UBAC1: variants seen among roughly 807,000 people sequenced by gnomAD.
UBAC1 encodes ubiquitin-associated domain-containing protein 1.
A neutral mutation model predicts 45.9 loss-of-function variants in UBAC1; 27 were observed. The ratio of observed to expected loss-of-function variants is 0.59; its 90% CI spans 0.43 to 0.81. The LOEUF is 0.81. Ranked by LOEUF, UBAC1 falls within the 30% of genes least tolerant of loss-of-function variation. The pLI is 0.00. For synonymous variants in UBAC1, 227 were observed against 215.5 expected (o/e 1.05, Z -0.47); for missense variants, 529 against 539.2 (o/e 0.98, Z 0.19).
At chr9:135,935,951 G>A (rs144137856) in intron 9 of UBAC1, among the ~76,000 whole-genome samples, 2,762 of 150,938 alleles carry the variant, frequency 0.018, 40 homozygotes, top group Non-Finnish European at 0.023. Context: ...GCGTGAACCC[G>A]GTAGGCGGAG....
At chr9:135,956,511 G>A (rs151001239) in intron 1 of UBAC1, among the ~76,000 whole-genome samples, 4 of 152,220 alleles carry the variant, frequency 2.6e-5, no homozygotes, top group Non-Finnish European at 4.4e-5. Context: ...CTGCATGTTC[G>A]TGCCCAAGTC....
intron 3 of UBAC1, among the ~76,000 whole-genome samples, chr9:135,950,477 A>T (rs550455047): frequency 6.6e-6 from 1 of 152,334 alleles, no homozygotes; most frequent in East Asian, 1.9e-4. Context: ...AGCATGAAAA[A>T]ATCAGCGATA....
In UBAC1 at chr9:135,957,633, GA is replaced by G. The variant is rs537800814; in HGVS notation, c.139-2219del. Among the ~76,000 whole-genome samples, 575 of 151,996 alleles carry G rather than the reference GA, an allele frequency of 3.8e-3. 4 individuals carry two copies. Among genetic ancestry groups the G allele is most frequent in the African/African-American group, 0.013 (549 of 41,434 alleles). ...CACTCCATCCTGCTCCTCCCCAGAA[GA>G]GTAGTGACTTCGTTTCTGCTTGTAC... On this transcript the variant is annotated intron_variant, in intron 1 of 9. Transcript: ENST00000371756.
intron 3 of UBAC1, among the ~76,000 whole-genome samples, chr9:135,948,392 G>C (rs1240913851): frequency 6.6e-6 from 1 of 152,272 alleles, no homozygotes; most frequent in Non-Finnish European, 1.5e-5. Flanking sequence ...GGCAGAGGAC[G>C]AGGATGGAGG....
chr9:135,946,197 C>G (rs373267083), intron 5 of UBAC1, 72 bp downstream of exon 5: 1 of 1,173,202 alleles, frequency 8.5e-7, no homozygotes, highest in African/African-American at 1.5e-5. Flanking sequence ...GTGGTCAGTG[C>G]GTGGAGCTGC....
intron 7 of UBAC1, among the ~76,000 whole-genome samples, chr9:135,942,011 T>C (rs1839275298): frequency 1.3e-5 from 2 of 152,188 alleles, no homozygotes; most frequent in South Asian, 4.1e-4. Context: ...AAGAAGACAT[T>C]CTACGGAATG....
At chr9:135,955,486 C>A (rs1480438217) in intron 1 of UBAC1, 71 bp from the exon 2 acceptor site, 8 of 1,390,180 alleles carry the variant, frequency 5.8e-6, no homozygotes, top group East Asian at 2.6e-5. Context: ...GACCTGGCAT[C>A]CCAAGCTACA....
chr9:135,933,462 G>C lies in UBAC1; in HGVS notation c.1156C>G (p.Pro386Ala), dbSNP rs765952805. The C allele has an allele frequency of 1.9e-6, 3 of 1,613,992 alleles. No individual in the cohort carries two copies. Among genetic ancestry groups the C allele is most frequent in the Non-Finnish European group, 2.5e-6 (3 of 1,180,032 alleles). ...PLNSTQWMNDPETGPVMLQIS... is the reference protein window; with the variant it reads ...PLNSTQWMNDAETGPVMLQIS... Reference sequence around the variant, plus strand: ...TGCAGCATGACAGGCCCCGTTTCTGGATCATTCATCCACTGGGTGCTGTTC... The same window carrying C: ...TGCAGCATGACAGGCCCCGTTTCTGCATCATTCATCCACTGGGTGCTGTTC... The change falls in exon 10 of 10, where the codon CCA becomes GCA. Residue 386 changes from proline to alanine, a missense_variant. Coordinates refer to ENST00000371756, the MANE Select transcript of UBAC1 (RefSeq NM_016172.3).
rs2131086424 is a variant in UBAC1 at position 135,945,169 on chromosome 9, A to G, written c.735T>C (p.Ala245=). 6.2e-7 allele frequency: 1 copy of G among 1,612,882 alleles called. No homozygotes were observed. Among genetic ancestry groups the G allele is most frequent in the Non-Finnish European group, 8.5e-7 (1 of 1,179,664 alleles). The change falls in exon 7 of 10, where the codon GCT becomes GCC. Residue 245 remains alanine, a synonymous_variant. Transcript: ENST00000371756. ...CTGTGGCCCCCTCGGCCTCTGGGGG[A>G]GCTTGGCCAGGAAGAGGCGTGTCTA... ...PTIDTPLPGQ[A]PPEAEGATAA...
Position 135,948,397 on chromosome 9 carries a change from T to C in UBAC1, c.334-492A>G, listed in dbSNP as rs1336045706. 2.0e-5 allele frequency among the ~76,000 whole-genome samples: 3 copies of C among 152,128 alleles called. No individual in the cohort carries two copies. In the South Asian group the frequency reaches 6.2e-4, roughly 32 times the overall value. Reference sequence around the variant, plus strand: ...CTCAGAAGACGGCAGAGGACGAGGATGGAGGGATCAGCGGAGCTACAAAGG... The same window carrying C: ...CTCAGAAGACGGCAGAGGACGAGGACGGAGGGATCAGCGGAGCTACAAAGG... On this transcript the variant is annotated intron_variant, in intron 3 of 9. Transcript: ENST00000371756.
chr9:135,953,509 G>A (rs780053889), intron 3 of UBAC1, among the ~76,000 whole-genome samples, 171 bp downstream of exon 3: 4 of 151,784 alleles, frequency 2.6e-5, no homozygotes, highest in African/African-American at 7.3e-5. Flanking sequence ...TAGTAGAGCC[G>A]GGGTTTCACC....
chr9:135,955,182 T>C, intron 2 of UBAC1, 113 bp downstream of exon 2: 3 of 1,138,064 alleles, frequency 2.6e-6, no homozygotes, highest in South Asian at 5.9e-5. Context: ...GTTTTTGTGC[T>C]CGTGTCCAGC....
chr9:135,939,742 C>T lies in UBAC1; in HGVS notation c.894G>A (p.Met298Ile). ...CCTCTTTCTCGTCGAACCCCATCTCCATCAGGGAAATGACGGCCTAGAGGA... is the reference window on the plus strand; with the variant it reads ...CCTCTTTCTCGTCGAACCCCATCTCTATCAGGGAAATGACGGCCTAGAGGA... ...RADARAVISLMEMGFDEKEVI... is the reference protein window; with the variant it reads ...RADARAVISLIEMGFDEKEVI... Residue 298 changes from methionine (M) to isoleucine (I), a missense_variant, in exon 8 of 10, where the codon ATG (methionine) becomes ATA (isoleucine). Coordinates refer to ENST00000371756, the MANE Select transcript of UBAC1 (RefSeq NM_016172.3). 6.2e-7 allele frequency: 1 copy of T among 1,613,932 alleles called. No individual in the cohort carries two copies. Among genetic ancestry groups the T allele is most frequent in the Non-Finnish European group, 8.5e-7 (1 of 1,179,812 alleles).
chr9:135,943,222 C>T lies in UBAC1; in HGVS notation c.876+1806G>A, dbSNP rs193064663. 8.5e-5 allele frequency among the ~76,000 whole-genome samples: 13 copies of T among 152,252 alleles called. No individual in the cohort carries two copies. In the East Asian group the frequency reaches 2.1e-3, roughly 25 times the overall value. ...ATCGCTTGAGGTCAGGAGTTTGAGA[C>T]GAGCCTGGCCAACATGGTGAAACCC... is the stretch of plus-strand genomic sequence containing the variant. On this transcript the variant is annotated intron_variant, in intron 7 of 9. Transcript: ENST00000371756.
intron 7 of UBAC1, among the ~76,000 whole-genome samples, chr9:135,943,829 A>G (rs1454310884): frequency 6.6e-6 from 1 of 152,244 alleles, no homozygotes; most frequent in Non-Finnish European, 1.5e-5. Flanking sequence ...AGGGTCATGG[A>G]TGAAGCTGGA....
intron 8 of UBAC1, 87 bp from the exon 9 acceptor site, chr9:135,938,447 A>C: frequency 1.3e-6 from 2 of 1,507,254 alleles, no homozygotes; most frequent in South Asian, 2.5e-5. Context: ...CAGCTCCTGC[A>C]CCTTTCTGTG....
In UBAC1 at chr9:135,954,092, T is replaced by C. The variant is rs1302379431; in HGVS notation, c.260-339A>G. Among the ~76,000 whole-genome samples, 6 of 147,924 alleles carry C rather than the reference T, an allele frequency of 4.1e-5. No homozygotes were observed. In the Admixed American group the frequency reaches 4.1e-4, roughly 10 times the overall value. On this transcript the variant is annotated intron_variant, in intron 2 of 9. Transcript: ENST00000371756. The stretch of plus-strand genomic sequence containing the variant: ...AGGCGGAGGTTGCACTGAGCCAAGA[T>C]TGCACCACTGCACTCCAGCCTGGGC...
intron 3 of UBAC1, 47 bp from the exon 4 acceptor site, chr9:135,947,952 C>A: frequency 6.5e-7 from 1 of 1,548,192 alleles, no homozygotes. Context: ...GTAAGAGCAG[C>A]AAAAAGACGA....
intron 7 of UBAC1, among the ~76,000 whole-genome samples, chr9:135,941,507 C>A (rs1839268947): frequency 6.6e-6 from 1 of 152,184 alleles, no homozygotes; most frequent in Non-Finnish European, 1.5e-5. Context: ...CTGGAAGAAC[C>A]CACCGCACAA....
Sources: allele counts gnomAD v4.1 joint callset (sites outside exome capture counted in the v4.1 genomes callset), GRCh38; gene constraint gnomAD v4.1.1; transcripts MANE v1.5; gene names NCBI Gene and HGNC (gene_info 2026-07-23, HGNC 2026-07-21).